HUWE1: variants seen among roughly 807,000 people sequenced by gnomAD.
HUWE1 encodes HECT, UBA and WWE domain containing E3 ubiquitin protein ligase 1, also known as E3 ubiquitin-protein ligase HUWE1.
HUWE1 carries 18 observed loss-of-function variants against 299.4 expected under a neutral mutation model. That is an observed-to-expected ratio of 0.06 (90% CI 0.04 to 0.09). The LOEUF (loss-of-function observed/expected upper bound fraction) is 0.09, where lower values mean the gene tolerates loss of function less well. HUWE1 is among the 10% of genes least tolerant of loss of function. The pLI is 1.00. For missense variants in HUWE1, 1,832 were observed against 3,462.3 expected, an observed-to-expected ratio of 0.53 and a Z score of 11.82; for synonymous variants, 1,317 against 1,286.1, an observed-to-expected ratio of 1.02 and a Z score of -0.51.
chrX:53,550,784 A>G lies in HUWE1; in HGVS notation c.9386-16T>C. On this transcript the variant is annotated splice_polypyrimidine_tract_variant and intron_variant, in intron 65 of 83. Coordinates refer to ENST00000262854, the MANE Select transcript of HUWE1 (RefSeq NM_031407.7). ...CTGGTGAAAGCTGGAAGGAAAGAAA[A>G]AGAAAACTGAGATTGTGGAGAGGGT... The G allele has an allele frequency of 8.3e-7, 1 of 1,205,591 alleles. No individual in the cohort carries two copies. Among genetic ancestry groups the G allele is most frequent in the Non-Finnish European group, 1.1e-6 (1 of 889,928 alleles).
At chrX:53,623,459 CT>C (rs1557014138) in intron 19 of HUWE1, among the ~76,000 whole-genome samples, 1 of 112,112 alleles carries the variant, frequency 8.9e-6, no homozygotes, top group African/African-American at 3.2e-5. Context: ...GGTAGAGTTG[CT>C]ACACCACAAG....
At position 53,614,579 on chromosome X, in the gene HUWE1, T is replaced by C. The variant is rs782430909; in HGVS notation, c.2216A>G (p.Gln739Arg). 1.2e-5 allele frequency: 14 copies of C among 1,209,131 alleles called. No homozygotes were observed. The East Asian group carries it at 3.9e-4, about 33-fold the overall frequency. ...ATTTTGCTGGGTAGAATTAAAGCTC[T>C]GCATGGCCTGTACTTCCTCTTCCTC... The part of the protein sequence containing the change: ...DEEEEEVQAM[Q>R]SFNSTQQNET... The change falls in exon 23 of 84, where the codon CAG (glutamine) becomes CGG (arginine). Residue 739 changes from glutamine to arginine, a missense_variant. Around this residue, in one of 15 missense-constraint regions of HUWE1, gnomAD observed 658 missense variants for 1,282.6 expected, o/e 0.51. Transcript: ENST00000262854.
intron 81 of HUWE1, 97 bp from the exon 82 acceptor site, chrX:53,534,794 G>T: frequency 1.3e-6 from 1 of 747,091 alleles, no homozygotes; most frequent in South Asian, 2.4e-5. Flanking sequence ...CTGTTAGCTG[G>T]GACTACAGGC....
chrX:53,648,383 A>G, intron 4 of HUWE1, 73 bp from the exon 5 acceptor site: 1 of 613,809 alleles, frequency 1.6e-6, no homozygotes, highest in Non-Finnish European at 2.7e-6. Context: ...TCAGAAAAGG[A>G]ACCCTTAAGC....
chrX:53,553,396 C>A (rs1407650405), intron 61 of HUWE1, among the ~76,000 whole-genome samples: 1 of 106,089 alleles, frequency 9.4e-6, no homozygotes, highest in Non-Finnish European at 1.9e-5. Context: ...CCTGCCTCGG[C>A]CTCCCAAAGT....
intron 78 of HUWE1, chrX:53,537,173 A>G (rs868992996): frequency 3.9e-6 from 1 of 257,465 alleles, no homozygotes; most frequent in Middle Eastern, 1.4e-3. Context: ...GCTCAGTATT[A>G]CAAACTGCTG....
intron 19 of HUWE1, among the ~76,000 whole-genome samples, chrX:53,619,560 A>T (rs2065998253): frequency 1.0e-5 from 1 of 97,802 alleles, no homozygotes. Flanking sequence ...GGTTTCCAGG[A>T]GAAAGTTAAA....
chrX:53,648,439 C>T (rs1048236484), intron 4 of HUWE1, 129 bp from the exon 5 acceptor site: 19 of 466,512 alleles, frequency 4.1e-5, no homozygotes, highest in East Asian at 1.5e-4. Flanking sequence ...CTTAAGAAAA[C>T]GAGATGTGCC....
At chrX:53,648,334 A>G (rs367732381) in intron 4 of HUWE1, 24 bp from the exon 5 acceptor site, 24 of 1,012,005 alleles carry the variant, frequency 2.4e-5, no homozygotes, top group Admixed American at 4.4e-5. Context: ...AGTATTCACA[A>G]AAGATGTTTT....
chrX:53,616,902 T>TGA (rs2065837783), intron 21 of HUWE1, 68 bp downstream of exon 21: 1 of 928,891 alleles, frequency 1.1e-6, no homozygotes, highest in South Asian at 2.1e-5. Flanking sequence ...ATGAGAGAGA[T>TGA]GATCAAGGAA....
At chrX:53,673,735 C>T (rs2069669961) in intron 3 of HUWE1, among the ~76,000 whole-genome samples, 1 of 111,266 alleles carries the variant, frequency 9.0e-6, no homozygotes. Context: ...TCCAACTCCA[C>T]AAAAAAATGT....
chrX:53,655,319 T>C (rs1017365414), intron 3 of HUWE1, among the ~76,000 whole-genome samples: 10 of 110,835 alleles, frequency 9.0e-5, no homozygotes, highest in South Asian at 4.0e-4. Flanking sequence ...TTTAGTCCAA[T>C]ATACTCAGTA....
chrX:53,578,657 C>G (rs782261562), intron 43 of HUWE1, among the ~76,000 whole-genome samples: 6 of 89,829 alleles, frequency 6.7e-5, no homozygotes, highest in Non-Finnish European at 1.3e-4. Context: ...CCCGGCCAGC[C>G]GCCCCATCCG....
At chrX:53,639,619 AGAG>A (rs782820580) in intron 7 of HUWE1, among the ~76,000 whole-genome samples, 12 of 112,388 alleles carry the variant, frequency 1.1e-4, no homozygotes, top group African/African-American at 3.2e-5. Flanking sequence ...GATAATATAT[AGAG>A]AAGAATACAT....
chrX:53,546,439 T>A lies in HUWE1; in HGVS notation c.10912A>T (p.Ile3638Leu). 1 of 1,209,140 alleles carries A rather than the reference T, an allele frequency of 8.3e-7. No individual in the cohort carries two copies. The highest frequency in any genetic ancestry group is 1.1e-6 in the Non-Finnish European group (1 of 893,723). The change falls in exon 70 of 84, where the codon ATA becomes TTA. Residue 3638 changes from isoleucine to leucine, a missense_variant. Ile to Leu is a conservative substitution (Grantham distance 5). Coordinates refer to ENST00000262854, the MANE Select transcript of HUWE1 (RefSeq NM_031407.7). Reference protein sequence around the residue: ...RHLGYTLCKQIGTLLAELREY... With the variant: ...RHLGYTLCKQLGTLLAELREY... Reference sequence around the variant, plus strand: ...AATGCTTTACTTCTGCTATTACCTATTTGTTTACAAAGGGTATAACCCAGA... The same window carrying A: ...AATGCTTTACTTCTGCTATTACCTAATTGTTTACAAAGGGTATAACCCAGA...
chrX:53,608,821 TTTACTCAG>T (rs1330389659), intron 24 of HUWE1, 23 bp downstream of exon 24: 2 of 927,945 alleles, frequency 2.2e-6, no homozygotes, highest in Non-Finnish European at 3.1e-6. Flanking sequence ...CATATACATC[TTTACTCAG>T]TTTGCCCTGT....
chrX:53,538,696 G>GTA (rs1425537847), intron 76 of HUWE1, 139 bp downstream of exon 76: 3 of 576,991 alleles, frequency 5.2e-6, no homozygotes, highest in Non-Finnish European at 8.2e-6. Context: ...GTGTGTGTAT[G>GTA]TACACACACA....
At chrX:53,671,538 C>G (rs1255116367) in intron 3 of HUWE1, among the ~76,000 whole-genome samples, 1 of 111,420 alleles carries the variant, frequency 9.0e-6, no homozygotes, top group Admixed American at 9.5e-5. Context: ...CGCCTGTAAT[C>G]CCAGTACTTT....
chrX:53,625,010 G>A (rs1228812172), intron 18 of HUWE1, 147 bp downstream of exon 18: 2 of 484,185 alleles, frequency 4.1e-6, no homozygotes, highest in African/African-American at 4.8e-5. Context: ...TAGGAAAAGT[G>A]ACACAAAACA....
Sources: gnomAD v4.1 joint callset for allele counts (sites outside exome capture counted in the v4.1 genomes callset) on GRCh38, gnomAD v4.1.1 for gene constraint, gnomAD v4.1.1 regional missense constraint, MANE v1.5 for transcripts, NCBI Gene and HGNC (gene_info 2026-07-23, HGNC 2026-07-21) for gene names.